Variants in PDE3A observed in about 807,000 individuals in gnomAD.
The protein encoded by PDE3A is phosphodiesterase 3A, also known as cGMP-inhibited 3',5'-cyclic phosphodiesterase 3A.
Under a neutral mutation model 98.3 loss-of-function variants are expected in PDE3A, and 43 were observed. The ratio of observed to expected loss-of-function variants is 0.44; its 90% CI spans 0.34 to 0.56. PDE3A has a LOEUF of 0.56. Among genes scored for constraint, PDE3A ranks in the 20% least tolerant of loss-of-function variants. The pLI, the probability that PDE3A is intolerant of heterozygous loss-of-function variation, is 0.01. For missense variants in PDE3A, 1,427 were observed against 1,440.7 expected (o/e 0.99, Z 0.15); for synonymous variants, 663 against 567.9 (o/e 1.17, Z -2.38).
rs551314922 is a variant in PDE3A, at chr12:20,369,101, A to G, written c.-184A>G. ...CTCATTGGAGCATCTAGCATTCTCC[A>G]GGAGTTATTCGAAAGCTGAAACTTT... On this transcript the variant is annotated 5_prime_UTR_variant, in exon 1 of 16. Coordinates refer to ENST00000359062, the MANE Select transcript of PDE3A (RefSeq NM_000921.5). 334 of 552,248 alleles carry G rather than the reference A, an allele frequency of 6.0e-4. No homozygotes were observed. The highest frequency in any genetic ancestry group is 9.7e-4 in the Non-Finnish European group (304 of 312,688). 34.2% of individuals were successfully genotyped at this position (552,248 alleles called of 1,614,324 possible).
At chr12:20,411,757 A>G (rs1417262912) in intron 1 of PDE3A, among the ~76,000 whole-genome samples, 1 of 152,168 alleles carries the variant, frequency 6.6e-6, no homozygotes, top group Non-Finnish European at 1.5e-5. Context: ...GAGGTCCGAG[A>G]TAACCCCATT....
At chr12:20,644,862 C>G (rs1944737019) in intron 10 of PDE3A, among the ~76,000 whole-genome samples, 1 of 144,512 alleles carries the variant, frequency 6.9e-6, no homozygotes, top group Non-Finnish European at 1.5e-5. Context: ...CCCCTCCTCC[C>G]CCTCTTCCCC....
At position 20,510,334 on chromosome 12, in the gene PDE3A, C is replaced by T. The variant is rs563537221; in HGVS notation, c.961-46326C>T. Among the ~76,000 whole-genome samples, 3 of 151,872 alleles carry T rather than the reference C, an allele frequency of 2.0e-5. No individual in the cohort carries two copies. The South Asian group carries it at 6.2e-4, about 32-fold the overall frequency. ...TCTGTTGGTATGTAATATATTAGAT[C>T]AACTAAAATAATCCACTAGAATTAG... is the stretch of plus-strand genomic sequence containing the variant. On this transcript the variant is annotated intron_variant, in intron 1 of 15. Transcript: ENST00000359062.
In PDE3A at chr12:20,544,798, A is replaced by G. The variant is rs147582352; in HGVS notation, c.961-11862A>G. 1.1e-4 allele frequency among the ~76,000 whole-genome samples: 16 copies of G among 152,114 alleles called. No individual in the cohort carries two copies. In the East Asian group the frequency reaches 3.1e-3, roughly 29 times the overall value. On this transcript the variant is annotated intron_variant, in intron 1 of 15. Coordinates refer to ENST00000359062, the MANE Select transcript of PDE3A (RefSeq NM_000921.5). ...TGGTTTCTTGGTGATGAAATTATGTATTAAAAATTATAAAACTGTAAAAAA... is the reference window on the plus strand; with the variant it reads ...TGGTTTCTTGGTGATGAAATTATGTGTTAAAAATTATAAAACTGTAAAAAA...
intron 2 of PDE3A, among the ~76,000 whole-genome samples, chr12:20,562,294 C>T (rs1245821552): frequency 6.7e-6 from 1 of 149,730 alleles, no homozygotes; most frequent in Non-Finnish European, 1.5e-5. Context: ...GATCTCAGCT[C>T]ACCGCAACCT....
chr12:20,564,211 C>T (rs1942600852), intron 2 of PDE3A, among the ~76,000 whole-genome samples: 1 of 152,022 alleles, frequency 6.6e-6, no homozygotes, highest in South Asian at 2.1e-4. Context: ...ACCCTCAGTC[C>T]CCAAACTGTG....
chr12:20,499,750 G>A (rs1487660892), intron 1 of PDE3A, among the ~76,000 whole-genome samples: 1 of 152,016 alleles, frequency 6.6e-6, no homozygotes, highest in Admixed American at 6.6e-5. Flanking sequence ...GGTTCAATTA[G>A]TTTGGCCAAT....
chr12:20,628,817 T>C (rs897633313), intron 5 of PDE3A, among the ~76,000 whole-genome samples: 1 of 152,018 alleles, frequency 6.6e-6, no homozygotes, highest in Non-Finnish European at 1.5e-5. Flanking sequence ...TTCAACAAAC[T>C]TAATATTCTT....
At chr12:20,531,690 A>AATTTGC (rs1941604081) in intron 1 of PDE3A, among the ~76,000 whole-genome samples, 1 of 152,158 alleles carries the variant, frequency 6.6e-6, no homozygotes, top group Non-Finnish European at 1.5e-5. Flanking sequence ...ATTGCACTGT[A>AATTTGC]ACTATTTCTT....
Position 20,613,472 on chromosome 12 carries a change from C to T in PDE3A, c.1041C>T (p.Ile347=), listed in dbSNP as rs183095448. The change falls in exon 3 of 16, where the codon ATC becomes ATT. Residue 347 remains isoleucine, a synonymous_variant. Coordinates refer to ENST00000359062, the MANE Select transcript of PDE3A (RefSeq NM_000921.5). Reference sequence around the variant, plus strand: ...CAGGAACCAGTATTACTGTGGACATCGCCGTCATGGGCGAGGCCCACGGCC... The same window carrying T: ...CAGGAACCAGTATTACTGTGGACATTGCCGTCATGGGCGAGGCCCACGGCC... ...QSSGTSITVD[I]AVMGEAHGLI... The T allele has an allele frequency of 4.3e-6, 7 of 1,613,904 alleles. No homozygotes were observed. Among genetic ancestry groups the T allele is most frequent in the African/African-American group, 2.7e-5 (2 of 74,910 alleles).
At chr12:20,397,382 G>A (rs1008665631) in intron 1 of PDE3A, among the ~76,000 whole-genome samples, 5 of 151,744 alleles carry the variant, frequency 3.3e-5, no homozygotes, top group Non-Finnish European at 5.9e-5. Flanking sequence ...AAGGAAGTTG[G>A]GCTTATCTCA....
chr12:20,601,490 A>T (rs563387617), intron 2 of PDE3A, among the ~76,000 whole-genome samples: 58 of 152,328 alleles, frequency 3.8e-4, no homozygotes, highest in African/African-American at 8.2e-4. Context: ...TCCACAAAAC[A>T]GTGTGTTCAA....
At chr12:20,574,586 T>A (rs1942882249) in intron 2 of PDE3A, among the ~76,000 whole-genome samples, 1 of 152,014 alleles carries the variant, frequency 6.6e-6, no homozygotes, top group Non-Finnish European at 1.5e-5. Flanking sequence ...TTCATCATTA[T>A]CATTATCATC....
chr12:20,482,995 G>A (rs1267494948), intron 1 of PDE3A, among the ~76,000 whole-genome samples: 1 of 152,096 alleles, frequency 6.6e-6, no homozygotes, highest in Admixed American at 6.5e-5. Flanking sequence ...AAACATAAAA[G>A]TTGTATTTCC....
intron 1 of PDE3A, among the ~76,000 whole-genome samples, chr12:20,385,952 T>C (rs1370174153): frequency 7.9e-6 from 1 of 126,046 alleles, no homozygotes. Flanking sequence ...AAGTATTATA[T>C]TAATTATTAA....
At chr12:20,576,173 TA>T (rs1412938354) in intron 2 of PDE3A, among the ~76,000 whole-genome samples, 3 of 152,060 alleles carry the variant, frequency 2.0e-5, no homozygotes, top group African/African-American at 7.2e-5. Context: ...TAGTTATTTT[TA>T]AATGTAGAAT....
chr12:20,656,172 C>T (rs1378213355), intron 15 of PDE3A, among the ~76,000 whole-genome samples: 1 of 152,136 alleles, frequency 6.6e-6, no homozygotes, highest in Non-Finnish European at 1.5e-5. Flanking sequence ...ATCTTAATAT[C>T]CTCAAGGTTC....
At chr12:20,598,221 C>T (rs932301126) in intron 2 of PDE3A, among the ~76,000 whole-genome samples, 2 of 151,618 alleles carry the variant, frequency 1.3e-5, no homozygotes, top group African/African-American at 2.4e-5. Context: ...CTTGCTCTGT[C>T]TCCCAGGCTG....
rs756495586 is a variant in PDE3A, at chr12:20,439,904, G to A, written c.960+69660G>A. ...CTATCTAGTAGAGCTTTGCTTTTGT[G>A]ACAACATTTTTTGATTAAATAACTC... On this transcript the variant is annotated intron_variant, in intron 1 of 15. Transcript: ENST00000359062. Among the ~76,000 whole-genome samples the A allele has an allele frequency of 9.7e-4, 148 of 152,028 alleles. 1 individual carries two copies. The highest frequency in any genetic ancestry group is 4.7e-4 in the Non-Finnish European group (32 of 67,998).
Sources: allele counts gnomAD v4.1 joint callset (sites outside exome capture counted in the v4.1 genomes callset), GRCh38; gene constraint gnomAD v4.1.1; transcripts MANE v1.5; gene names NCBI Gene and HGNC (gene_info 2026-07-23, HGNC 2026-07-21).